FLACC1: variants seen among roughly 807,000 people sequenced by gnomAD.
The protein encoded by FLACC1 is flagellum-associated coiled-coil domain-containing protein 1.
In FLACC1, 66 loss-of-function variants were observed where a neutral mutation model predicts 62.8. That is an observed-to-expected ratio of 1.05 (90% confidence interval 0.86 to 1.29). The LOEUF (loss-of-function observed/expected upper bound fraction) is 1.29, where lower values mean the gene tolerates loss of function less well. Ranked by LOEUF, FLACC1 falls within the 50% of genes most tolerant of loss-of-function variation. FLACC1 has a pLI of 0.00. For synonymous variants in FLACC1, 156 were observed against 161.0 expected (o/e 0.97, Z 0.24); for missense variants, 452 against 489.1 (o/e 0.92, Z 0.71).
intron 6 of FLACC1, 30 bp from the exon 7 acceptor site, chr2:201,342,461 G>A (rs1950829462): frequency 1.2e-6 from 2 of 1,610,514 alleles, no homozygotes; most frequent in Non-Finnish European, 1.7e-6. Context: ...CTACAACACA[G>A]GACTGAGGAC....
chr2:201,352,648 C>T (rs975406141), intron 1 of FLACC1, among the ~76,000 whole-genome samples: 3 of 152,138 alleles, frequency 2.0e-5, no homozygotes, highest in African/African-American at 7.2e-5. Context: ...CCAGAGGGTG[C>T]AGGACTTGGA....
intron 6 of FLACC1, 73 bp downstream of exon 6, chr2:201,344,097 T>C: frequency 1.5e-6 from 2 of 1,371,366 alleles, no homozygotes; most frequent in Non-Finnish European, 2.0e-6. Flanking sequence ...GCATTTTGCC[T>C]GGCACATAGG....
chr2:201,319,272 A>G (rs1950358475), intron 9 of FLACC1, among the ~76,000 whole-genome samples: 1 of 152,202 alleles, frequency 6.6e-6, no homozygotes, highest in African/African-American at 2.4e-5. Flanking sequence ...GGAGTTCCCT[A>G]TTCAATAAAT....
upstream of FLACC1, among the ~76,000 whole-genome samples, chr2:201,361,274 G>C (rs985257988): frequency 2.6e-5 from 4 of 152,230 alleles, no homozygotes; most frequent in African/African-American, 9.6e-5. Flanking sequence ...TACTGTAAAG[G>C]TTTGTGGGTG....
intron 11 of FLACC1, among the ~76,000 whole-genome samples, chr2:201,300,431 C>T (rs1367815901): frequency 1.3e-5 from 2 of 152,130 alleles, no homozygotes; most frequent in Admixed American, 1.3e-4. Flanking sequence ...CTGGAAAGCT[C>T]GAATTGGGTG....
chr2:201,348,159 G>A (rs76278437), intron 4 of FLACC1, 95 bp downstream of exon 4: 19,941 of 1,247,242 alleles, frequency 0.016, 194 homozygotes, highest in Middle Eastern at 0.021. Flanking sequence ...GTGAAGATTC[G>A]ACAAGGTAAG....
At chr2:201,309,103 GT>G in intron 10 of FLACC1, 47 bp downstream of exon 10, 5 of 1,538,010 alleles carry the variant, frequency 3.3e-6, no homozygotes, top group Non-Finnish European at 3.6e-6. Context: ...CTTCATGGCA[GT>G]TTTTTAATGC....
chr2:201,293,819 A>C (rs928217790), intron 12 of FLACC1, among the ~76,000 whole-genome samples: 1 of 151,806 alleles, frequency 6.6e-6, no homozygotes, highest in East Asian at 1.9e-4. Context: ...AATAGACGCA[A>C]AAAAAAACGA....
At chr2:201,313,598 G>C (rs1950256226) in intron 9 of FLACC1, among the ~76,000 whole-genome samples, 1 of 152,078 alleles carries the variant, frequency 6.6e-6, no homozygotes, top group African/African-American at 2.4e-5. Flanking sequence ...GCCTAGCCCT[G>C]CCCCAACCTG....
At chr2:201,305,811 A>G in intron 11 of FLACC1, among the ~76,000 whole-genome samples, 1 of 152,204 alleles carries the variant, frequency 6.6e-6, no homozygotes, top group Admixed American at 6.5e-5. Flanking sequence ...GGAAACCAAC[A>G]TTCTGAGCAA....
At chr2:201,332,093 G>GTC (rs1165294802) in intron 7 of FLACC1, among the ~76,000 whole-genome samples, 3 of 151,888 alleles carry the variant, frequency 2.0e-5, no homozygotes, top group Admixed American at 1.3e-4. Flanking sequence ...TAAGAGTGCT[G>GTC]TCTCTCCACC....
chr2:201,356,070 G>A (rs909556489), intron 1 of FLACC1, among the ~76,000 whole-genome samples: 6 of 152,120 alleles, frequency 3.9e-5, no homozygotes, highest in African/African-American at 1.4e-4. Context: ...GGGGTGCCAG[G>A]GGAGGAGTTG....
At chr2:201,324,222 C>T (rs766394075) in intron 9 of FLACC1, among the ~76,000 whole-genome samples, 12 of 151,978 alleles carry the variant, frequency 7.9e-5, no homozygotes, top group Non-Finnish European at 1.5e-4. Flanking sequence ...TTATATCAGA[C>T]GAAACAAACT....
chr2:201,359,524 T>A (rs1306946515), upstream of FLACC1, among the ~76,000 whole-genome samples: 2 of 152,312 alleles, frequency 1.3e-5, no homozygotes, highest in Middle Eastern at 3.4e-3. Flanking sequence ...ACAAGATTTC[T>A]CAGTGTGGGC....
chr2:201,289,593 T>C (rs776140847), intron 13 of FLACC1, 27 bp from the exon 14 acceptor site: 3 of 1,613,532 alleles, frequency 1.9e-6, no homozygotes, highest in African/African-American at 1.3e-5. Context: ...TTAATAGCCA[T>C]CTTCCCCAAC....
intron 7 of FLACC1, among the ~76,000 whole-genome samples, chr2:201,340,053 G>A (rs978083058): frequency 5.3e-5 from 8 of 152,208 alleles, no homozygotes; most frequent in Non-Finnish European, 8.8e-5. Flanking sequence ...ATGCAGATAG[G>A]TGCCAGCAAT....
rs1949689964 is a variant in FLACC1 at position 201,289,792 on chromosome 2, A to G, written c.943-7T>C. The G allele has an allele frequency of 6.2e-7, 1 of 1,614,054 alleles. No homozygotes were observed. The highest frequency in any genetic ancestry group is 1.7e-5 in the Admixed American group (1 of 60,006). ...GCAATTCTTCCTGCATGACCTGCAT[A>G]AGAAGAAGCTGTTGCAGGACATCAT... is the stretch of plus-strand genomic sequence containing the variant. On this transcript the variant is annotated splice_region_variant and splice_polypyrimidine_tract_variant and intron_variant, in intron 12 of 14. Coordinates refer to ENST00000392257, the MANE Select transcript of FLACC1 (RefSeq NM_001127391.3).
At chr2:201,351,096 T>C (rs3817579) in intron 2 of FLACC1, among the ~76,000 whole-genome samples, 196 bp downstream of exon 2, 9,238 of 152,226 alleles carry the variant, frequency 0.061, 583 homozygotes, top group East Asian at 0.25. Flanking sequence ...TCATTTAAAA[T>C]GGCACAAACC....
intron 11 of FLACC1, among the ~76,000 whole-genome samples, chr2:201,300,846 AC>A (rs1949966348): frequency 6.6e-6 from 1 of 152,194 alleles, no homozygotes; most frequent in African/African-American, 2.4e-5. Flanking sequence ...ACTCCAACAG[AC>A]CTGCAGCTGA....
Sources: gnomAD v4.1 joint callset for allele counts (sites outside exome capture counted in the v4.1 genomes callset) on GRCh38, gnomAD v4.1.1 for gene constraint, MANE v1.5 for transcripts, NCBI Gene and HGNC (gene_info 2026-07-23, HGNC 2026-07-21) for gene names.